Variants in CTNNA3 observed in about 807,000 individuals in gnomAD.
The protein encoded by CTNNA3 is catenin alpha-3.
A neutral mutation model predicts 95.7 loss-of-function variants in CTNNA3; 76 were observed. The ratio of observed to expected loss-of-function variants is 0.79; its 90% CI spans 0.66 to 0.96. The LOEUF is 0.96. Among genes scored for constraint, CTNNA3 ranks in the 40% least tolerant of loss-of-function variants. The pLI, the probability that CTNNA3 is intolerant of heterozygous loss-of-function variation, is 0.00. For missense variants in CTNNA3, 1,191 were observed against 1,089.8 expected (o/e 1.09, Z -1.31); for synonymous variants, 431 against 374.4 (o/e 1.15, Z -1.74).
intron 13 of CTNNA3, among the ~76,000 whole-genome samples, chr10:66,153,628 T>A (rs1043121401): frequency 1.3e-5 from 2 of 151,930 alleles, no homozygotes; most frequent in East Asian, 3.8e-4. Flanking sequence ...TTTTCTGAGA[T>A]GCCTCTCCAC....
intron 5 of CTNNA3, among the ~76,000 whole-genome samples, chr10:67,451,848 A>T (rs1846996094): frequency 6.6e-6 from 1 of 152,156 alleles, no homozygotes; most frequent in African/African-American, 2.4e-5. Context: ...CATTTTATTC[A>T]TTCAGTGCTG....
intron 7 of CTNNA3, among the ~76,000 whole-genome samples, chr10:67,135,213 T>C (rs779090402): frequency 3.9e-5 from 6 of 152,140 alleles, no homozygotes; most frequent in Admixed American, 1.3e-4. Context: ...TTTGTTAGGT[T>C]GACACAGATG....
At chr10:67,230,814 C>T (rs533253669) in intron 5 of CTNNA3, among the ~76,000 whole-genome samples, 6 of 152,294 alleles carry the variant, frequency 3.9e-5, no homozygotes, top group African/African-American at 1.4e-4. Context: ...TCAGTGTGTG[C>T]ACACACCGTG....
At chr10:67,323,436 C>T (rs1481803902) in intron 5 of CTNNA3, among the ~76,000 whole-genome samples, 1 of 152,110 alleles carries the variant, frequency 6.6e-6, no homozygotes, top group Non-Finnish European at 1.5e-5. Flanking sequence ...TAGCATATGG[C>T]TAGCCAGTTA....
chr10:67,680,120 A>C (rs1227683860), intron 1 of CTNNA3, among the ~76,000 whole-genome samples: 1 of 152,186 alleles, frequency 6.6e-6, no homozygotes, highest in African/African-American at 2.4e-5. Flanking sequence ...AATATTTAAC[A>C]ACCAGCATGG....
intron 14 of CTNNA3, among the ~76,000 whole-genome samples, chr10:66,100,731 GC>G (rs1242890888): frequency 1.2e-4 from 19 of 152,146 alleles, no homozygotes; most frequent in African/African-American, 4.6e-4. Context: ...AGCTGGCCTG[GC>G]CTATACTTTG....
At chr10:66,976,805 A>G (rs1158627069) in intron 7 of CTNNA3, among the ~76,000 whole-genome samples, 1 of 152,174 alleles carries the variant, frequency 6.6e-6, no homozygotes, top group African/African-American at 2.4e-5. Context: ...TTTTATTGGT[A>G]AAATGTATAA....
intron 7 of CTNNA3, among the ~76,000 whole-genome samples, chr10:67,016,714 A>G (rs143083081): frequency 6.4e-4 from 97 of 152,252 alleles, no homozygotes; most frequent in Non-Finnish European, 1.1e-3. Flanking sequence ...TTGATTATCT[A>G]TTTCAATATT....
chr10:66,326,698 T>C (rs146850482), intron 12 of CTNNA3, among the ~76,000 whole-genome samples: 3,403 of 152,104 alleles, frequency 0.022, 78 homozygotes, highest in Non-Finnish European at 0.035. Context: ...TTCACGTGTG[T>C]ATTGGGGGTA....
chr10:66,057,575 C>A (rs982762485), intron 15 of CTNNA3, among the ~76,000 whole-genome samples: 1 of 152,160 alleles, frequency 6.6e-6, no homozygotes, highest in African/African-American at 2.4e-5. Flanking sequence ...TAAAGCATTT[C>A]TCATCAGCAT....
chr10:67,571,981 C>A (rs1841994555), intron 3 of CTNNA3, among the ~76,000 whole-genome samples: 2 of 152,212 alleles, frequency 1.3e-5, no homozygotes, highest in South Asian at 4.1e-4. Context: ...TCAAGTATTT[C>A]TGATGAAAAT....
intron 13 of CTNNA3, among the ~76,000 whole-genome samples, chr10:66,161,572 T>C (rs2084847780): frequency 6.6e-6 from 1 of 152,228 alleles, no homozygotes; most frequent in Admixed American, 6.5e-5. Flanking sequence ...AATCTGCTGC[T>C]AATCTGATAG....
intron 11 of CTNNA3, among the ~76,000 whole-genome samples, chr10:66,433,492 T>C (rs980025542): frequency 6.6e-6 from 1 of 152,152 alleles, no homozygotes; most frequent in Non-Finnish European, 1.5e-5. Flanking sequence ...TTTGATGGGG[T>C]TGTTTTTCTC....
chr10:67,045,738 C>T (rs561133064), intron 7 of CTNNA3, among the ~76,000 whole-genome samples: 1 of 152,110 alleles, frequency 6.6e-6, no homozygotes, highest in Non-Finnish European at 1.5e-5. Flanking sequence ...GCCAAGGCCC[C>T]CCTCTGTTTT....
intron 9 of CTNNA3, among the ~76,000 whole-genome samples, chr10:66,660,003 A>C (rs183981976): frequency 2.0e-5 from 3 of 151,950 alleles, no homozygotes; most frequent in Admixed American, 6.6e-5. Flanking sequence ...TTTCTTTTTC[A>C]TAGTGACAGG....
rs1841031012 is a variant in CTNNA3, at chr10:66,520,692, A to ATT, written c.1455_1456insAA (p.Trp486AsnfsTer13). The ATT allele has an allele frequency of 1.9e-6, 3 of 1,612,454 alleles. No individual in the cohort carries two copies. The African/African-American group carries it at 4.0e-5, about 22-fold the overall frequency. ...GTGAGGACATGTATATGATTCTCCC[A>ATT]TGTACGCTTGTACATTTCCATGGTG... On this transcript the variant is annotated frameshift_variant, in exon 11 of 18. Transcript: ENST00000433211. LOFTEE classifies it high-confidence loss of function.
chr10:66,576,313 A>G (rs140108426), intron 10 of CTNNA3, among the ~76,000 whole-genome samples: 2,998 of 152,074 alleles, frequency 0.02, 62 homozygotes, highest in Non-Finnish European at 0.026. Context: ...CTGGTTTTTT[A>G]ATTATTATTA....
chr10:67,490,134 G>A (rs933792092), intron 5 of CTNNA3, among the ~76,000 whole-genome samples: 4 of 152,226 alleles, frequency 2.6e-5, no homozygotes, highest in East Asian at 1.9e-4. Flanking sequence ...AAACTGATGC[G>A]AAATCTCATC....
chr10:66,582,871 CT>C, intron 10 of CTNNA3, among the ~76,000 whole-genome samples: 1 of 151,676 alleles, frequency 6.6e-6, no homozygotes, highest in Non-Finnish European at 1.5e-5. Flanking sequence ...TTATTGAATG[CT>C]TTTTCTGCAT....
Sources: allele counts gnomAD v4.1 joint callset (sites outside exome capture counted in the v4.1 genomes callset), GRCh38; gene constraint gnomAD v4.1.1; transcripts MANE v1.5; gene names NCBI Gene and HGNC (gene_info 2026-07-23, HGNC 2026-07-21).